Variants in MLXIPL observed in about 807,000 individuals in gnomAD.
The protein encoded by MLXIPL is carbohydrate-responsive element-binding protein.
A neutral mutation model predicts 81.5 loss-of-function variants in MLXIPL; 49 were observed. That is an observed-to-expected ratio of 0.60 (90% CI 0.48 to 0.76). The LOEUF is 0.76. Ranked by LOEUF, MLXIPL falls within the 30% of genes least tolerant of loss-of-function variation. The pLI, the probability that MLXIPL is intolerant of heterozygous loss-of-function variation, is 0.00. For synonymous variants in MLXIPL, 466 were observed against 485.5 expected (o/e 0.96, Z 0.53); for missense variants, 1,053 against 1,167.0 (o/e 0.90, Z 1.42).
At chr7:73,626,310 A>G (rs1214981565), upstream of MLXIPL, among the ~76,000 whole-genome samples, 1 of 124,962 alleles carries the variant, frequency 8.0e-6, no homozygotes, top group African/African-American at 2.9e-5. Context: ...CAGCCTATTT[A>G]TATATTTTTA....
chr7:73,645,582 T>G, the MLXIPL span, among the ~76,000 whole-genome samples: 3 of 152,170 alleles, frequency 2.0e-5, no homozygotes, highest in Admixed American at 6.6e-5. Flanking sequence ...GGTCAGCCAA[T>G]GTAATCCCCT....
intron 5 of MLXIPL, chr7:73,606,395 G>T (rs192669531): frequency 0.013 from 4,862 of 383,796 alleles, 232 homozygotes; most frequent in African/African-American, 0.094. Context: ...GGTCCCTCTG[G>T]TTTTTTTTTT....
chr7:73,634,804 A>ATTT, the MLXIPL span, among the ~76,000 whole-genome samples: 70 of 104,856 alleles, frequency 6.7e-4, 1 homozygote, highest in East Asian at 0.012. Context: ...TTCTATATGT[A>ATTT]TTTATTATTA....
chr7:73,611,715 C>A (rs140797437), intron 2 of MLXIPL, among the ~76,000 whole-genome samples: 11,215 of 151,894 alleles, frequency 0.074, 446 homozygotes, highest in Middle Eastern at 0.11. Flanking sequence ...ACTTGGGAGG[C>A]TGAGGCATGA....
the MLXIPL span, among the ~76,000 whole-genome samples, chr7:73,630,883 C>T: frequency 6.6e-6 from 1 of 152,358 alleles, no homozygotes; most frequent in South Asian, 2.1e-4. Flanking sequence ...AGTGTGCACA[C>T]ATGTGCACCA....
chr7:73,616,278 T>C, intron 1 of MLXIPL, 101 bp from the exon 2 acceptor site: 1 of 1,087,710 alleles, frequency 9.2e-7, no homozygotes, highest in Non-Finnish European at 1.4e-6. Context: ...TGGTTGGCAT[T>C]TGAGGGGCCC....
In MLXIPL at chr7:73,599,572, G is replaced by A. The variant is rs782609622; in HGVS notation, c.1025C>T (p.Pro342Leu). 2.8e-5 allele frequency: 45 copies of A among 1,610,856 alleles called. 1 individual carries two copies. In the Admixed American group the frequency reaches 3.2e-4, roughly 11 times the overall value. Residue 342 changes from proline to leucine, a missense_variant, in exon 8 of 17, where the codon CCG becomes CTG. This residue lies in a region of MLXIPL where 823 missense variants were observed against 933.0 expected (regional missense o/e 0.88). Transcript: ENST00000313375. ...SSGTLGPEVP[P>L]ASSAMTHLSG... ...GAGGTGGGTCATGGCCGAGGAAGCC[G>A]GGGGCACCTCTGGGCCCAGGGTCCC...
intron 15 of MLXIPL, 73 bp downstream of exon 15, chr7:73,595,564 A>C (rs1794208344): frequency 6.2e-7 from 1 of 1,613,046 alleles, no homozygotes; most frequent in South Asian, 1.1e-5. Context: ...CTAGGCCTCC[A>C]TCCCAGGCCC....
At chr7:73,607,473 C>T in intron 3 of MLXIPL, 53 bp from the exon 4 acceptor site, 1 of 1,519,216 alleles carries the variant, frequency 6.6e-7, no homozygotes. Context: ...CACCGCACAC[C>T]CATCTCCCAC....
At position 73,597,354 on chromosome 7, in the gene MLXIPL, C is replaced by G; in HGVS notation, c.1431G>C (p.Leu477Phe). ...GCCCAAAGGCAGGCTCCGAATACCCCAAGGGTAGAAGCTCTATGGGGAAGG... is the reference window on the plus strand; with the variant it reads ...GCCCAAAGGCAGGCTCCGAATACCCGAAGGGTAGAAGCTCTATGGGGAAGG... ...PTPFPIELLPLGYSEPAFGPC... is the reference protein window; with the variant it reads ...PTPFPIELLPFGYSEPAFGPC... Residue 477 changes from leucine (L) to phenylalanine (F), a missense_variant, in exon 9 of 17, where the codon TTG becomes TTC. By Grantham distance (22) the Leu-to-Phe change is conservative. Around this residue, in one of 3 missense-constraint regions of MLXIPL, gnomAD observed 823 missense variants for 933.0 expected, o/e 0.88. Coordinates refer to ENST00000313375, the MANE Select transcript of MLXIPL (RefSeq NM_032951.3). The G allele has an allele frequency of 2.1e-6, 3 of 1,460,404 alleles. No homozygotes were observed. In the South Asian group the frequency reaches 4.1e-5, roughly 20 times the overall value. The allele number at this position is 1,460,404 out of a possible 1,614,324, so 90.5% of individuals were successfully genotyped here.
chr7:73,611,343 A>G (rs1795676285), intron 2 of MLXIPL: 1 of 152,208 alleles, frequency 6.6e-6, no homozygotes, highest in Admixed American at 6.6e-5. Context: ...CAGCTGGTCT[A>G]CTTAGAGGCA....
chr7:73,619,925 G>T (rs987233075), intron 1 of MLXIPL, among the ~76,000 whole-genome samples: 1 of 151,992 alleles, frequency 6.6e-6, no homozygotes. Context: ...GCAAGACTCC[G>T]TCTCAAAAAA....
At position 73,624,418 on chromosome 7, in the gene MLXIPL, C is replaced by T; in HGVS notation, c.75G>A (p.Ser25=). The change falls in exon 1 of 17, where the codon TCG becomes TCA. Residue 25 remains serine, a synonymous_variant. Transcript: ENST00000313375. The part of the protein sequence containing the change: ...PRVAPSPDSD[S]DTDSEDPSLR... ...GACTCGGGTCCTCCGAGTCTGTGTC[C>T]GAGTCCGAGTCTGGGCTGGGCGCGA... The T allele has an allele frequency of 6.4e-7, 1 of 1,565,132 alleles. No homozygotes were observed. Among genetic ancestry groups the T allele is most frequent in the Non-Finnish European group, 8.6e-7 (1 of 1,162,404 alleles).
intron 1 of MLXIPL, among the ~76,000 whole-genome samples, chr7:73,617,149 G>T (rs1191277852): frequency 6.6e-6 from 1 of 152,072 alleles, no homozygotes; most frequent in African/African-American, 2.4e-5. Context: ...CCGAGTAGCT[G>T]GGATTACAGT....
chr7:73,616,004 A>G (rs1795985994), intron 2 of MLXIPL, 67 bp downstream of exon 2: 2 of 1,353,244 alleles, frequency 1.5e-6, no homozygotes, highest in Admixed American at 3.4e-5. Context: ...ACCATGTAGA[A>G]CCCTCTGGCA....
rs782148425 is a variant in MLXIPL, at chr7:73,607,656, C to G, written c.417G>C (p.Lys139Asn). Residue 139 changes from lysine (K) to asparagine (N), a missense_variant, in exon 3 of 17, where the codon AAG becomes AAC. Around this residue, in one of 3 missense-constraint regions of MLXIPL, gnomAD observed 226 missense variants for 216.2 expected, o/e 1.05. Transcript: ENST00000313375. The stretch of plus-strand genomic sequence containing the variant: ...GGGTCACGAAGCCACACACGGGGCT[C>G]TTCCTCCGCTTCACATCTGAGAGAA... ...AWYIQYVKRR[K>N]SPVCGFVTPL... 1 of 1,613,418 alleles carries G rather than the reference C, an allele frequency of 6.2e-7. No homozygotes were observed. Among genetic ancestry groups the G allele is most frequent in the East Asian group, 2.2e-5 (1 of 44,842 alleles).
intron 2 of MLXIPL, among the ~76,000 whole-genome samples, chr7:73,613,908 G>T (rs62466303): frequency 0.044 from 6,749 of 152,158 alleles, 229 homozygotes; most frequent in Non-Finnish European, 0.063. Context: ...AGGCTGAGGC[G>T]GGCAGATCAT....
At position 73,593,681 on chromosome 7, in the gene MLXIPL, G is replaced by C. The variant is rs1794029051; in HGVS notation, c.*184C>G. ...AGCACAGTGGCAGAGCAGGGACGGG[G>C]ACTCTGCTCTTCTTGACCTCCAGGA... On this transcript the variant is annotated 3_prime_UTR_variant, in exon 17 of 17. Coordinates refer to ENST00000313375, the MANE Select transcript of MLXIPL (RefSeq NM_032951.3). The C allele has an allele frequency of 1.6e-6, 1 of 617,662 alleles. No individual in the cohort carries two copies. Among genetic ancestry groups the C allele is most frequent in the Non-Finnish European group, 2.9e-6 (1 of 341,084 alleles). The allele number at this position is 617,662 out of a possible 1,614,324, so 38.3% of individuals were successfully genotyped here. A position where few individuals can be genotyped will look rare whatever the true frequency, so the allele number is the denominator to read the frequency against.
At chr7:73,609,032 C>T (rs1554599123) in intron 2 of MLXIPL, among the ~76,000 whole-genome samples, 1 of 151,950 alleles carries the variant, frequency 6.6e-6, no homozygotes, top group Non-Finnish European at 1.5e-5. Context: ...TGGTCTCGAA[C>T]TCCTGAGGTC....
Sources: allele counts gnomAD v4.1 joint callset (sites outside exome capture counted in the v4.1 genomes callset), GRCh38; gene constraint gnomAD v4.1.1; regional missense constraint gnomAD v4.1.1; transcripts MANE v1.5; gene names NCBI Gene and HGNC (gene_info 2026-07-23, HGNC 2026-07-21).